The following TASP1 variants were observed in gnomAD, a reference collection of about 807,000 sequenced individuals.
TASP1 encodes the protein threonine aspartase 1.
TASP1 carries 16 observed loss-of-function variants against 56.6 expected under a neutral mutation model. That is an observed-to-expected ratio of 0.28 (90% CI 0.19 to 0.43). The LOEUF (loss-of-function observed/expected upper bound fraction) is 0.43. TASP1 is among the 20% of genes least tolerant of loss of function. The pLI is 1.00. For synonymous variants in TASP1, 179 were observed against 184.2 expected (o/e 0.97, Z 0.23); for missense variants, 393 against 511.6 (o/e 0.77, Z 2.24).
intron 4 of TASP1, among the ~76,000 whole-genome samples, chr20:13,621,884 G>A (rs1223598458): frequency 6.6e-6 from 1 of 152,148 alleles, no homozygotes. Context: ...CAGACCTACA[G>A]TGACTCCATG....
chr20:13,554,448 A>T (rs966538117), intron 8 of TASP1, among the ~76,000 whole-genome samples: 4 of 152,174 alleles, frequency 2.6e-5, no homozygotes, highest in African/African-American at 9.6e-5. Context: ...AAGCAGAATA[A>T]AGTCTTCTGG....
intron 8 of TASP1, among the ~76,000 whole-genome samples, chr20:13,556,341 C>T (rs2046155615): frequency 2.0e-5 from 3 of 152,182 alleles, no homozygotes; most frequent in Admixed American, 2.0e-4. Flanking sequence ...AATCTCCAAA[C>T]TGCAATGACT....
At chr20:13,385,558 TAGTGGCC>T (rs922196425), downstream of TASP1, among the ~76,000 whole-genome samples, 21 of 152,306 alleles carry the variant, frequency 1.4e-4, no homozygotes, top group African/African-American at 3.8e-4. Context: ...CTAAAAACCC[TAGTGGCC>T]AAGAATACAT....
the TASP1 span, among the ~76,000 whole-genome samples, chr20:13,221,085 G>A: frequency 2.0e-5 from 3 of 152,110 alleles, no homozygotes; most frequent in African/African-American, 7.2e-5. Flanking sequence ...GACTCCGAGT[G>A]CGGGGCGGCG....
the TASP1 span, among the ~76,000 whole-genome samples, chr20:13,152,212 A>G: frequency 1.3e-5 from 2 of 152,224 alleles, no homozygotes; most frequent in South Asian, 4.1e-4. Flanking sequence ...CGTATAACAT[A>G]GGATTACAGT....
chr20:13,251,576 A>G, the TASP1 span, among the ~76,000 whole-genome samples: 2 of 152,180 alleles, frequency 1.3e-5, no homozygotes, highest in African/African-American at 4.8e-5. Flanking sequence ...GCAGGGAGCA[A>G]GGGGACCAGC....
At chr20:13,556,730 G>T (rs1360205922) in intron 8 of TASP1, among the ~76,000 whole-genome samples, 1 of 152,034 alleles carries the variant, frequency 6.6e-6, no homozygotes, top group Non-Finnish European at 1.5e-5. Context: ...ATTCTGCCTG[G>T]AACACTCTTC....
At chr20:13,519,350 G>C (rs2044651457) in intron 10 of TASP1, among the ~76,000 whole-genome samples, 1 of 151,986 alleles carries the variant, frequency 6.6e-6, no homozygotes, top group Admixed American at 6.6e-5. Context: ...TTAAAAGAAA[G>C]AAAAAGAAAT....
chr20:13,620,346 T>C (rs1231529903), intron 4 of TASP1, among the ~76,000 whole-genome samples: 1 of 151,464 alleles, frequency 6.6e-6, no homozygotes, highest in Non-Finnish European at 1.5e-5. Context: ...CTCTTCCCCA[T>C]GCATGGAGTT....
At chr20:13,554,828 C>A (rs745708836) in intron 8 of TASP1, among the ~76,000 whole-genome samples, 6 of 152,180 alleles carry the variant, frequency 3.9e-5, no homozygotes, top group Non-Finnish European at 8.8e-5. Context: ...AATTCATAAT[C>A]TTTTGGCTGG....
the TASP1 span, among the ~76,000 whole-genome samples, chr20:13,177,274 G>A: frequency 2.6e-5 from 4 of 151,772 alleles, no homozygotes; most frequent in African/African-American, 4.8e-5. Flanking sequence ...AATTGAAGGG[G>A]ATACAAATAG....
At chr20:13,450,760 C>T (rs1317683731) in intron 11 of TASP1, among the ~76,000 whole-genome samples, 2 of 152,112 alleles carry the variant, frequency 1.3e-5, no homozygotes, top group Non-Finnish European at 2.9e-5. Flanking sequence ...TTCTTCCAAA[C>T]TCTTGTGAAT....
chr20:13,137,159 G>A, the TASP1 span, among the ~76,000 whole-genome samples: 3 of 152,156 alleles, frequency 2.0e-5, no homozygotes, highest in African/African-American at 7.2e-5. Flanking sequence ...ATCAGACCAA[G>A]ACCTGAGGAG....
intron 11 of TASP1, among the ~76,000 whole-genome samples, chr20:13,438,126 A>C (rs2043076643): frequency 6.6e-6 from 1 of 151,980 alleles, no homozygotes; most frequent in Non-Finnish European, 1.5e-5. Context: ...GCTACCAATG[A>C]CTTTCTTTAC....
chr20:13,132,465 C>T, the TASP1 span, among the ~76,000 whole-genome samples: 23 of 152,024 alleles, frequency 1.5e-4, no homozygotes, highest in African/African-American at 4.6e-4. Flanking sequence ...GCGTGAGGAC[C>T]GCACCCAGCC....
chr20:13,218,404 G>A, the TASP1 span, among the ~76,000 whole-genome samples: 3 of 152,096 alleles, frequency 2.0e-5, no homozygotes, highest in Non-Finnish European at 4.4e-5. Flanking sequence ...ATGTCTCATA[G>A]CCATGAACCC....
the TASP1 span, among the ~76,000 whole-genome samples, chr20:13,141,055 T>TA: frequency 2.6e-5 from 4 of 151,952 alleles, no homozygotes; most frequent in Admixed American, 1.3e-4. Flanking sequence ...TTGATAGGTT[T>TA]AAAAAAAACA....
chr20:13,525,670 T>G (rs1266410925), intron 10 of TASP1, among the ~76,000 whole-genome samples: 1 of 152,214 alleles, frequency 6.6e-6, no homozygotes, highest in African/African-American at 2.4e-5. Context: ...TTCTTTATTT[T>G]GGCCAAACAG....
At chr20:13,314,260 A>G in the TASP1 span, among the ~76,000 whole-genome samples, 3 of 152,142 alleles carry the variant, frequency 2.0e-5, no homozygotes, top group Non-Finnish European at 4.4e-5. Context: ...ATAAAACTAT[A>G]AATCCAGGAA....
Sources: allele counts gnomAD v4.1 joint callset (sites outside exome capture counted in the v4.1 genomes callset), GRCh38; gene constraint gnomAD v4.1.1; transcripts MANE v1.5; gene names NCBI Gene and HGNC (gene_info 2026-07-23, HGNC 2026-07-21).